CALN1: variants seen among roughly 807,000 people sequenced by gnomAD.
CALN1 encodes calneuron 1.
Under a neutral mutation model 30.6 loss-of-function variants are expected in CALN1, and 17 were observed. That is an observed-to-expected ratio of 0.56 (90% CI 0.38 to 0.83). CALN1 has a LOEUF of 0.83. Ranked by LOEUF, CALN1 falls within the 40% of genes least tolerant of loss-of-function variation. CALN1 has a pLI of 0.00. For synonymous variants in CALN1, 156 were observed against 131.4 expected (o/e 1.19, Z -1.28); for missense variants, 291 against 354.9 (o/e 0.82, Z 1.45).
chr7:71,798,061 CAGAG>C (rs147120862), intron 6 of CALN1, among the ~76,000 whole-genome samples: 25 of 116,866 alleles, frequency 2.1e-4, no homozygotes, highest in African/African-American at 5.2e-4. Context: ...GAGAGAGAGA[CAGAG>C]AGAGAGAGAG....
intron 5 of CALN1, among the ~76,000 whole-genome samples, chr7:71,852,766 G>A (rs1421935867): frequency 6.6e-6 from 1 of 152,090 alleles, no homozygotes; most frequent in East Asian, 1.9e-4. Flanking sequence ...GGCAAGAAGT[G>A]GGTAACTCAC....
At chr7:72,031,857 T>C (rs1801464967) in intron 4 of CALN1, among the ~76,000 whole-genome samples, 1 of 150,432 alleles carries the variant, frequency 6.6e-6, no homozygotes, top group South Asian at 2.1e-4. Flanking sequence ...TTCTCCTGCC[T>C]CAGCCTCCCA....
Position 72,412,183 on chromosome 7 carries a change from C to A in CALN1, c.-199G>T. 6.5e-6 allele frequency: 1 copy of A among 152,852 alleles called. No individual in the cohort carries two copies. The highest frequency in any genetic ancestry group is 2.0e-4 in the South Asian group (1 of 5,126). 9.5% of individuals were successfully genotyped at this position (152,852 alleles called of 1,614,324 possible). A position where few individuals can be genotyped will look rare whatever the true frequency, so the allele number is the denominator to read the frequency against. ...CGCGTCCGGAGTCGTCTGCTCCTCC[C>A]GGTGGGCTTGCGGTCTTGCTGACTT... On this transcript the variant is annotated 5_prime_UTR_variant, in exon 1 of 7. Transcript: ENST00000395275.
chr7:72,055,628 A>T (rs1803203224), intron 4 of CALN1, among the ~76,000 whole-genome samples: 1 of 152,176 alleles, frequency 6.6e-6, no homozygotes, highest in Non-Finnish European at 1.5e-5. Flanking sequence ...AGGAGATAAA[A>T]ATTATGAAAT....
At chr7:71,993,046 CT>C (rs147083273) in intron 5 of CALN1, among the ~76,000 whole-genome samples, 4 of 151,640 alleles carry the variant, frequency 2.6e-5, no homozygotes, top group Non-Finnish European at 5.9e-5. Context: ...AGAAGAAAGG[CT>C]TTTTTTTGCT....
chr7:71,996,606 C>G (rs1799265744), intron 5 of CALN1, among the ~76,000 whole-genome samples: 1 of 152,128 alleles, frequency 6.6e-6, no homozygotes, highest in Non-Finnish European at 1.5e-5. Flanking sequence ...TGTATATGTA[C>G]CACTTTCTTT....
At position 72,403,346 on chromosome 7, in the gene CALN1, T is replaced by C; in HGVS notation, c.24A>G (p.Gly8=). 6.5e-7 allele frequency: 1 copy of C among 1,548,538 alleles called. No individual in the cohort carries two copies. The highest frequency in any genetic ancestry group is 8.7e-7 in the Non-Finnish European group (1 of 1,146,900). ...TTTTCTCATTCTCGGGCTTCCCCTC[T>C]CCGGGTTGCTCTGGCAGCCGCATCG... is the stretch of plus-strand genomic sequence containing the variant. MRLPEQP[G]EGKPENEKKG... Residue 8 remains glycine (G), a synonymous_variant, in exon 2 of 7, where the codon GGA becomes GGG. Coordinates refer to ENST00000395275, the MANE Select transcript of CALN1 (RefSeq NM_031468.4).
At chr7:72,278,472 T>TACATACACAC (rs1276922819) in intron 3 of CALN1, among the ~76,000 whole-genome samples, 4 of 143,982 alleles carry the variant, frequency 2.8e-5, no homozygotes, top group Admixed American at 1.4e-4. Flanking sequence ...ATCAGGTCTG[T>TACATACACAC]ACACACACAC....
At chr7:72,088,784 G>GGGAAGGAAGGAA (rs10525928) in intron 4 of CALN1, among the ~76,000 whole-genome samples, 70,531 of 148,796 alleles carry the variant, frequency 0.47, 16,963 homozygotes, top group Middle Eastern at 0.53. Context: ...AGAGAAGGAA[G>GGGAAGGAAGGAA]GGAAGGAAGG....
intron 5 of CALN1, among the ~76,000 whole-genome samples, chr7:71,821,942 A>AT (rs1000022560): frequency 6.6e-6 from 1 of 150,986 alleles, no homozygotes; most frequent in South Asian, 2.1e-4. Context: ...TAATTTTTGC[A>AT]TTTTTTGTAG....
intron 3 of CALN1, among the ~76,000 whole-genome samples, chr7:72,191,552 CAA>C (rs55780039): frequency 5.0e-3 from 361 of 72,424 alleles, no homozygotes; most frequent in African/African-American, 0.018. Context: ...GACTCCGTCT[CAA>C]AAAAAAAAAA....
At chr7:72,276,318 T>C (rs937380400) in intron 3 of CALN1, among the ~76,000 whole-genome samples, 2 of 152,084 alleles carry the variant, frequency 1.3e-5, no homozygotes, top group African/African-American at 4.8e-5. Context: ...CTCCCATAGG[T>C]AGGAAAAGCC....
intron 4 of CALN1, among the ~76,000 whole-genome samples, chr7:72,026,248 T>C (rs1245524583): frequency 6.6e-6 from 1 of 152,080 alleles, no homozygotes; most frequent in Non-Finnish European, 1.5e-5. Context: ...CCAATCAAGA[T>C]CCTGTAAAGT....
intron 5 of CALN1, among the ~76,000 whole-genome samples, chr7:71,933,413 C>G (rs1240297931): frequency 6.6e-6 from 1 of 152,148 alleles, no homozygotes; most frequent in African/African-American, 2.4e-5. Flanking sequence ...GGAAGCCCCT[C>G]TCACTAGAGA....
chr7:71,958,065 C>CAAAAAA (rs56355838), intron 5 of CALN1, among the ~76,000 whole-genome samples: 15 of 93,808 alleles, frequency 1.6e-4, no homozygotes, highest in East Asian at 2.9e-4. Flanking sequence ...AACTCCATCT[C>CAAAAAA]AAAAAAAAAA....
chr7:72,032,275 T>C (rs844677), intron 4 of CALN1, among the ~76,000 whole-genome samples: 29,734 of 150,966 alleles, frequency 0.2, 5,452 homozygotes, highest in African/African-American at 0.48. Flanking sequence ...CTCGATCTCC[T>C]GACCTCGTGA....
chr7:72,253,633 C>T (rs1255273700), intron 3 of CALN1, among the ~76,000 whole-genome samples: 1 of 152,200 alleles, frequency 6.6e-6, no homozygotes, highest in Non-Finnish European at 1.5e-5. Context: ...AAGAACAGCA[C>T]GGGGGAACTA....
At chr7:72,220,272 A>G (rs1346156645) in intron 3 of CALN1, among the ~76,000 whole-genome samples, 6 of 141,678 alleles carry the variant, frequency 4.2e-5, no homozygotes, top group African/African-American at 1.6e-4. Context: ...ATTCCCACCT[A>G]TGAGTGAGAA....
chr7:72,378,795 T>C (rs1585617130), intron 2 of CALN1, among the ~76,000 whole-genome samples: 1 of 152,136 alleles, frequency 6.6e-6, no homozygotes, highest in African/African-American at 2.4e-5. Context: ...CTTGAACTCC[T>C]GACCTCAAGT....
Sources: gnomAD v4.1 joint callset for allele counts (sites outside exome capture counted in the v4.1 genomes callset) on GRCh38, gnomAD v4.1.1 for gene constraint, MANE v1.5 for transcripts, NCBI Gene and HGNC (gene_info 2026-07-23, HGNC 2026-07-21) for gene names.